The following PLXNC1 variants were observed in gnomAD, a reference collection of about 807,000 sequenced individuals.
PLXNC1 encodes the protein plexin-C1.
In PLXNC1, 75 loss-of-function variants were observed where a neutral mutation model predicts 178.2. The ratio of observed to expected loss-of-function variants is 0.42; its 90% CI spans 0.35 to 0.51. The LOEUF is 0.51. PLXNC1 is among the 20% of genes least tolerant of loss of function. The pLI is 0.02. For synonymous variants in PLXNC1, 790 were observed against 779.9 expected (o/e 1.01, Z -0.22); for missense variants, 1,503 against 1,984.4 (o/e 0.76, Z 4.61).
chr12:94,299,752 G>T (rs1968281969), intron 27 of PLXNC1, among the ~76,000 whole-genome samples: 1 of 152,058 alleles, frequency 6.6e-6, no homozygotes, highest in Admixed American at 6.6e-5. Flanking sequence ...GTGAGATGAG[G>T]TCTCACTACA....
chr12:94,208,157 C>CA lies in PLXNC1; in HGVS notation c.1440-1432dup, dbSNP rs796696186. 5.9e-5 allele frequency among the ~76,000 whole-genome samples: 9 copies of CA among 152,302 alleles called. No individual in the cohort carries two copies. In the South Asian group the frequency reaches 1.9e-3, roughly 32 times the overall value. ...GACGGATGAGCTAGCCATCAAGGGT[C>CA]AGATAAATTTATGGCTTTGGAGAAT... On this transcript the variant is annotated intron_variant, in intron 4 of 30. Coordinates refer to ENST00000258526, the MANE Select transcript of PLXNC1 (RefSeq NM_005761.3).
chr12:94,255,184 G>GT lies in PLXNC1; in HGVS notation c.2984-5dup. 6.2e-7 allele frequency: 1 copy of GT among 1,605,226 alleles called. No homozygotes were observed. ...GTTAAAATATTGCTCTTGGGATTCTGTTTTGCAGGCTTTGCTGAGCTGCAG... is the reference window on the plus strand; with the variant it reads ...GTTAAAATATTGCTCTTGGGATTCTGTTTTTGCAGGCTTTGCTGAGCTGCAG... On this transcript the variant is annotated splice_polypyrimidine_tract_variant and intron_variant, in intron 16 of 30. Transcript: ENST00000258526.
intron 4 of PLXNC1, among the ~76,000 whole-genome samples, chr12:94,197,924 G>A (rs541696099): frequency 1.3e-5 from 2 of 152,266 alleles, no homozygotes; most frequent in African/African-American, 4.8e-5. Context: ...GGGCCCACCT[G>A]AGTCAGAGAA....
intron 2 of PLXNC1, among the ~76,000 whole-genome samples, chr12:94,174,458 A>G (rs1961972985): frequency 6.6e-6 from 1 of 152,160 alleles, no homozygotes; most frequent in Non-Finnish European, 1.5e-5. Context: ...GATTACAGGC[A>G]TGAGCCACTG....
chr12:94,152,467 G>A (rs1479860800), intron 1 of PLXNC1, among the ~76,000 whole-genome samples: 2 of 152,238 alleles, frequency 1.3e-5, no homozygotes, highest in Non-Finnish European at 2.9e-5. Context: ...CATGGGATCA[G>A]TGTGCCCCTG....
chr12:94,264,714 C>T (rs1259297791), intron 20 of PLXNC1, among the ~76,000 whole-genome samples: 1 of 152,132 alleles, frequency 6.6e-6, no homozygotes, highest in Admixed American at 6.5e-5. Flanking sequence ...TGATTAAATA[C>T]GAATGTAAAC....
At chr12:94,206,859 G>A (rs1487888504) in intron 4 of PLXNC1, among the ~76,000 whole-genome samples, 1 of 152,192 alleles carries the variant, frequency 6.6e-6, no homozygotes, top group Non-Finnish European at 1.5e-5. Context: ...GCCTCACTAA[G>A]AGTCCTGTGT....
chr12:94,230,210 G>T (rs1372922168), intron 9 of PLXNC1, among the ~76,000 whole-genome samples: 2 of 152,142 alleles, frequency 1.3e-5, no homozygotes, highest in African/African-American at 2.4e-5. Flanking sequence ...TGTACCCTTT[G>T]GGGGACTGGC....
rs1170260250 is a variant in PLXNC1, at chr12:94,177,177, G to A, written c.1204-4269G>A. 2.4e-4 allele frequency among the ~76,000 whole-genome samples: 15 copies of A among 61,946 alleles called. 1 individual carries two copies. Among genetic ancestry groups the A allele is most frequent in the Admixed American group, 3.4e-4 (2 of 5,850 alleles). The allele number at this position is 61,946 out of a possible 152,430, so 40.6% of individuals were successfully genotyped here. The stretch of plus-strand genomic sequence containing the variant: ...TATATATATGTATATATATATATAC[G>A]TATATATATGTATATATATATACGT... On this transcript the variant is annotated intron_variant, in intron 2 of 30. Transcript: ENST00000258526.
chr12:94,237,203 C>A (rs1334446280), intron 9 of PLXNC1, among the ~76,000 whole-genome samples: 1 of 152,160 alleles, frequency 6.6e-6, no homozygotes, highest in Non-Finnish European at 1.5e-5. Context: ...CTCACTGTAA[C>A]AAAAATATGA....
At chr12:94,266,859 G>A (rs1965272844) in intron 21 of PLXNC1, among the ~76,000 whole-genome samples, 1 of 152,206 alleles carries the variant, frequency 6.6e-6, no homozygotes, top group East Asian at 1.9e-4. Flanking sequence ...AGATCTCATT[G>A]AACCCTTGTT....
At chr12:94,266,798 G>C (rs902331163) in intron 21 of PLXNC1, among the ~76,000 whole-genome samples, 1 of 152,214 alleles carries the variant, frequency 6.6e-6, no homozygotes, top group African/African-American at 2.4e-5. Context: ...AAAGCACTTA[G>C]AACATTGCCA....
intron 4 of PLXNC1, among the ~76,000 whole-genome samples, chr12:94,187,026 C>A (rs1962537103): frequency 6.6e-6 from 1 of 152,226 alleles, no homozygotes; most frequent in South Asian, 2.1e-4. Flanking sequence ...GGCTCAGGGG[C>A]GACTCGGAGC....
chr12:94,268,792 G>A (rs372566700), intron 21 of PLXNC1, among the ~76,000 whole-genome samples: 12 of 151,760 alleles, frequency 7.9e-5, no homozygotes, highest in Admixed American at 2.0e-4. Context: ...ACGGGTTTTC[G>A]CCGTGTTGGC....
chr12:94,228,580 C>T (rs1437180442), intron 9 of PLXNC1, among the ~76,000 whole-genome samples: 1 of 152,150 alleles, frequency 6.6e-6, no homozygotes, highest in Non-Finnish European at 1.5e-5. Context: ...TCTCCTTCCC[C>T]CCAGCCCTTG....
chr12:94,164,580 T>C (rs1286094793), intron 1 of PLXNC1, among the ~76,000 whole-genome samples: 2 of 151,330 alleles, frequency 1.3e-5, no homozygotes, highest in East Asian at 3.9e-4. Flanking sequence ...AATGGGAGAG[T>C]ATTTATTGTC....
At chr12:94,182,859 G>GTATCTATCTATCTATCTATC (rs59933010) in intron 3 of PLXNC1, among the ~76,000 whole-genome samples, 1 of 143,932 alleles carries the variant, frequency 6.9e-6, no homozygotes, top group East Asian at 2.0e-4. Context: ...AAGAATATCT[G>GTATCTATCTATCTATCTATC]TATCTATCTA....
intron 6 of PLXNC1, among the ~76,000 whole-genome samples, chr12:94,221,070 C>T (rs755811001): frequency 6.6e-5 from 10 of 152,174 alleles, no homozygotes; most frequent in Non-Finnish European, 1.2e-4. Context: ...AGGTTTAAGC[C>T]GGAGGCTGGC....
chr12:94,206,746 C>T (rs1456123553), intron 4 of PLXNC1, among the ~76,000 whole-genome samples: 2 of 152,158 alleles, frequency 1.3e-5, no homozygotes, highest in African/African-American at 4.8e-5. Context: ...AGAATATGTC[C>T]ATTCTTATCC....
Sources: gnomAD v4.1 joint callset for allele counts (sites outside exome capture counted in the v4.1 genomes callset) on GRCh38, gnomAD v4.1.1 for gene constraint, MANE v1.5 for transcripts, NCBI Gene and HGNC (gene_info 2026-07-23, HGNC 2026-07-21) for gene names.